Variants in SNED1 observed in about 807,000 individuals in gnomAD.
SNED1 encodes sushi, nidogen and EGF-like domain-containing protein 1.
A neutral mutation model predicts 166.7 loss-of-function variants in SNED1; 81 were observed. That is an observed-to-expected ratio of 0.49 (90% confidence interval 0.41 to 0.58). The LOEUF is 0.58. Ranked by LOEUF, SNED1 falls within the 20% of genes least tolerant of loss-of-function variation. The probability of loss-of-function intolerance (pLI) is 0.00; values close to 1 mark genes in which losing one functional copy is unlikely to be tolerated. For synonymous variants in SNED1, 762 were observed against 822.0 expected, an observed-to-expected ratio of 0.93 and a Z score of 1.25; for missense variants, 1,604 against 2,000.2, an observed-to-expected ratio of 0.80 and a Z score of 3.78.
chr2:241,084,103 G>A (rs1279811583), intron 29 of SNED1, among the ~76,000 whole-genome samples: 1 of 146,972 alleles, frequency 6.8e-6, no homozygotes, highest in African/African-American at 2.5e-5. Flanking sequence ...AATTACTATT[G>A]TACGAGTTCA....
chr2:241,067,704 C>A (rs1045325970), intron 21 of SNED1, 60 bp from the exon 22 acceptor site: 14 of 1,465,672 alleles, frequency 9.6e-6, no homozygotes, highest in Non-Finnish European at 1.2e-5. Flanking sequence ...ATCTTGAGCC[C>A]CTGCACTCCC....
intron 4 of SNED1, among the ~76,000 whole-genome samples, chr2:241,035,175 G>T (rs1476952319): frequency 6.6e-6 from 1 of 152,140 alleles, no homozygotes; most frequent in Non-Finnish European, 1.5e-5. Context: ...GCAGCATGTG[G>T]TCTCTGACCC....
chr2:241,002,224 C>T (rs959839106), intron 1 of SNED1, among the ~76,000 whole-genome samples: 2 of 152,178 alleles, frequency 1.3e-5, no homozygotes, highest in Admixed American at 6.5e-5. Flanking sequence ...GTCGCCAGCT[C>T]CAAGCCATCT....
At chr2:241,001,339 A>C (rs1388067525) in intron 1 of SNED1, among the ~76,000 whole-genome samples, 3 of 152,258 alleles carry the variant, frequency 2.0e-5, no homozygotes, top group East Asian at 1.9e-4. Flanking sequence ...TTCTGTCTTC[A>C]TCAGAAATAG....
At chr2:241,041,040 T>C (rs2061508935) in intron 8 of SNED1, 2 of 358,148 alleles carry the variant, frequency 5.6e-6, no homozygotes, top group Non-Finnish European at 1.1e-5. Context: ...TCCAGGGAGA[T>C]GCTAAAGACA....
intron 1 of SNED1, among the ~76,000 whole-genome samples, chr2:241,022,276 G>T (rs1018445101): frequency 3.3e-5 from 5 of 152,078 alleles, no homozygotes; most frequent in African/African-American, 4.8e-5. Context: ...TATGCTTTTG[G>T]TGTCATATCC....
chr2:241,028,120 C>T (rs186516215), intron 1 of SNED1, among the ~76,000 whole-genome samples: 17 of 152,244 alleles, frequency 1.1e-4, no homozygotes, highest in Non-Finnish European at 2.2e-4. Flanking sequence ...AGTCCTTTCT[C>T]ATTTTTGAAA....
chr2:241,054,206 G>A (rs2061972943), intron 16 of SNED1, among the ~76,000 whole-genome samples: 1 of 152,102 alleles, frequency 6.6e-6, no homozygotes, highest in Non-Finnish European at 1.5e-5. Context: ...CCTATATGTT[G>A]CCAGAAGATG....
Position 241,071,718 on chromosome 2 carries a change from C to CCCCCGGTAA in SNED1, c.3732_3733insCCCCGGTAA (p.Pro1244_Arg1245insProArgTer). 6.7e-7 allele frequency: 1 copy of CCCCCGGTAA among 1,503,692 alleles called. No homozygotes were observed. Among genetic ancestry groups the CCCCCGGTAA allele is most frequent in the Non-Finnish European group, 9.0e-7 (1 of 1,112,836 alleles). The allele number at this position is 1,503,692 out of a possible 1,614,324, so 93.1% of individuals were successfully genotyped here. On this transcript the variant is annotated stop_gained and inframe_insertion and splice_region_variant, in exon 25 of 32. Transcript: ENST00000310397. LOFTEE classifies it high-confidence loss of function. ...CCCCCGAGACCCCCACCCAGCCCCC[C>CCCCCGGTAA]AGGTACATGCCCCACCCATCGGCCC...
At chr2:241,006,164 G>A (rs1389308653) in intron 1 of SNED1, among the ~76,000 whole-genome samples, 3 of 151,008 alleles carry the variant, frequency 2.0e-5, no homozygotes, top group Admixed American at 1.3e-4. Context: ...TTTTCTACAC[G>A]GTCTAACCTA....
At chr2:241,078,095 G>A (rs2063116633) in intron 27 of SNED1, among the ~76,000 whole-genome samples, 1 of 152,142 alleles carries the variant, frequency 6.6e-6, no homozygotes, top group Non-Finnish European at 1.5e-5. Context: ...ACTAACGAAA[G>A]GAAAAGTGGC....
chr2:241,034,861 C>G (rs989425150), intron 4 of SNED1, 131 bp downstream of exon 4: 4 of 1,021,634 alleles, frequency 3.9e-6, no homozygotes, highest in African/African-American at 3.3e-5. Context: ...CCAGCCCAGC[C>G]CACCTCAGGC....
In SNED1 at chr2:241,064,836, C is replaced by T. The variant is rs1575033520; in HGVS notation, c.2600-8C>T. ...CCCAACATACACTGCCACTTTTTCT[C>T]CCCTCAGTGAGTGACCCCTGCTTCT... On this transcript the variant is annotated splice_polypyrimidine_tract_variant and splice_region_variant and intron_variant, in intron 19 of 31. Transcript: ENST00000310397. The surrounding 1 kb of genome is among the most constrained non-coding windows in gnomAD (Gnocchi z 7.0). The T allele has an allele frequency of 3.2e-6, 5 of 1,574,236 alleles. No homozygotes were observed. The highest frequency in any genetic ancestry group is 1.4e-5 in the African/African-American group (1 of 72,270).
rs748052497 is a variant in SNED1 at position 241,040,169 on chromosome 2, C to T, written c.1140C>T (p.Thr380=). The T allele has an allele frequency of 8.8e-6, 14 of 1,598,944 alleles. No homozygotes were observed. The highest frequency in any genetic ancestry group is 6.9e-5 in the Admixed American group (4 of 58,070). ...SAVCVCQAGY[T]GAACEMDVDD... is the part of the protein sequence containing the mutation. ...TGTGTGTGTGCCAGGCCGGATACACCGGAGCAGCCTGCGAGATGGGTGAGT... is the reference window on the plus strand; with the variant it reads ...TGTGTGTGTGCCAGGCCGGATACACTGGAGCAGCCTGCGAGATGGGTGAGT... Residue 380 remains threonine (T), a synonymous_variant, in exon 7 of 32, where the codon ACC becomes ACT. Coordinates refer to ENST00000310397, the MANE Select transcript of SNED1 (RefSeq NM_001080437.3).
chr2:241,017,949 G>A (rs945103390), intron 1 of SNED1, among the ~76,000 whole-genome samples: 5 of 152,188 alleles, frequency 3.3e-5, no homozygotes, highest in African/African-American at 9.7e-5. Context: ...AGCAGCTCCC[G>A]CTACGATGAC....
intron 27 of SNED1, among the ~76,000 whole-genome samples, chr2:241,080,711 A>G (rs972476456): frequency 6.6e-6 from 1 of 152,250 alleles, no homozygotes; most frequent in African/African-American, 2.4e-5. Context: ...AAATATACCA[A>G]TATCTCTGTG....
rs764179251 is a variant in SNED1, at chr2:241,049,952, T to TC, written c.1735+21dup. The TC allele has an allele frequency of 1.3e-6, 2 of 1,590,114 alleles. No homozygotes were observed. The highest frequency in any genetic ancestry group is 3.3e-5 in the Admixed American group (2 of 59,912). On this transcript the variant is annotated intron_variant, in intron 12 of 31. Coordinates refer to ENST00000310397, the MANE Select transcript of SNED1 (RefSeq NM_001080437.3). The stretch of plus-strand genomic sequence containing the variant: ...GAGAAAGGTATGGCGGGCAGGGGCG[T>TC]CCGGGCCGGCGTCAGCACCCTGGAG...
intron 7 of SNED1, 27 bp downstream of exon 7, chr2:241,040,215 A>G: frequency 3.8e-6 from 6 of 1,575,170 alleles, no homozygotes; most frequent in African/African-American, 1.4e-5. Context: ...CGGATTGGAG[A>G]GGGGCTCCTG....
chr2:241,087,487 G>A lies in SNED1; in HGVS notation c.4205+12G>A. On this transcript the variant is annotated intron_variant, in intron 30 of 31. Coordinates refer to ENST00000310397, the MANE Select transcript of SNED1 (RefSeq NM_001080437.3). ...AAGACCCCAAACAGGTGCCTCTGGG[G>A]AGCAGGCCCATGCCGTGTCCTGCAT... is the stretch of plus-strand genomic sequence containing the variant. 1 of 1,595,242 alleles carries A rather than the reference G, an allele frequency of 6.3e-7. No homozygotes were observed.
Sources: allele counts gnomAD v4.1 joint callset (sites outside exome capture counted in the v4.1 genomes callset), GRCh38; gene constraint gnomAD v4.1.1; non-coding constraint Gnocchi (gnomAD v3.1); transcripts MANE v1.5; gene names NCBI Gene and HGNC (gene_info 2026-07-23, HGNC 2026-07-21).